Variants in SLC6A5 observed in about 807,000 individuals in gnomAD.
SLC6A5 encodes the protein solute carrier family 6 member 5.
Under a neutral mutation model 90.5 loss-of-function variants are expected in SLC6A5, and 58 were observed. That is an observed-to-expected ratio of 0.64 (90% CI 0.52 to 0.80). SLC6A5 has a LOEUF of 0.80. Among genes scored for constraint, SLC6A5 ranks in the 30% least tolerant of loss-of-function variants. The probability of loss-of-function intolerance (pLI) is 0.00; values close to 1 mark genes in which losing one functional copy is unlikely to be tolerated. For synonymous variants in SLC6A5, 427 were observed against 401.4 expected, an observed-to-expected ratio of 1.06 and a Z score of -0.76; for missense variants, 1,015 against 1,017.6, an observed-to-expected ratio of 1.00 and a Z score of 0.03.
chr11:20,644,907 G>T (rs1165007696), intron 13 of SLC6A5, among the ~76,000 whole-genome samples: 1 of 151,922 alleles, frequency 6.6e-6, no homozygotes, highest in Non-Finnish European at 1.5e-5. Flanking sequence ...TGCCTCCCGG[G>T]TTCAAATGAT....
intron 5 of SLC6A5, among the ~76,000 whole-genome samples, chr11:20,612,213 C>T (rs1307115882): frequency 6.6e-6 from 1 of 152,170 alleles, no homozygotes; most frequent in East Asian, 1.9e-4. Flanking sequence ...GGAGATGATG[C>T]TGAAGACTAG....
At chr11:20,604,607 C>T (rs1394160169) in intron 3 of SLC6A5, among the ~76,000 whole-genome samples, 183 bp downstream of exon 3, 2 of 152,164 alleles carry the variant, frequency 1.3e-5, no homozygotes, top group Admixed American at 1.3e-4. Flanking sequence ...CATAATCGAT[C>T]GGCATTAGAT....
intron 12 of SLC6A5, 37 bp from the exon 13 acceptor site, chr11:20,638,422 G>T (rs1853250608): frequency 2.3e-6 from 3 of 1,276,686 alleles, no homozygotes; most frequent in Non-Finnish European, 3.4e-6. Context: ...CTGGCTTCAG[G>T]ACGCATTTGA....
intron 12 of SLC6A5, 43 bp from the exon 13 acceptor site, chr11:20,638,416 C>G: frequency 8.1e-7 from 1 of 1,230,336 alleles, no homozygotes; most frequent in Non-Finnish European, 1.2e-6. Flanking sequence ...GACAGCCTGG[C>G]TTCAGGACGC....
chr11:20,617,613 T>C, intron 6 of SLC6A5, 139 bp from the exon 7 acceptor site: 2 of 750,954 alleles, frequency 2.7e-6, no homozygotes, highest in Non-Finnish European at 4.7e-6. Flanking sequence ...GTGATTAGGT[T>C]CCTGATGGTG....
chr11:20,607,668 C>G lies in SLC6A5; in HGVS notation c.985+16C>G, dbSNP rs141671283. Reference sequence around the variant, plus strand: ...CTTTTATTAGGTAAGTTTGGAAATACCTGCTTTAGGTGTGTGTATTCTAAA... The same window carrying G: ...CTTTTATTAGGTAAGTTTGGAAATAGCTGCTTTAGGTGTGTGTATTCTAAA... On this transcript the variant is annotated intron_variant, in intron 5 of 15. Transcript: ENST00000525748. The G allele has an allele frequency of 1.2e-5, 20 of 1,601,974 alleles. 2 individuals carry two copies. The African/African-American group carries it at 2.7e-4, about 21-fold the overall frequency.
At chr11:20,647,434 A>ATTATATATATATCAGTTCCTATATATAT (rs1199542716) in intron 14 of SLC6A5, among the ~76,000 whole-genome samples, 9 of 125,230 alleles carry the variant, frequency 7.2e-5, no homozygotes, top group African/African-American at 2.9e-4. Flanking sequence ...TATAGTTCCT[A>ATTATATATATATCAGTTCCTATATATAT]TTATATATAT....
Position 20,652,388 on chromosome 11 carries a change from T to A in SLC6A5, c.2170T>A (p.Cys724Ser), listed in dbSNP as rs2133825147. The A allele has an allele frequency of 6.2e-7, 1 of 1,614,180 alleles. No individual in the cohort carries two copies. The highest frequency in any genetic ancestry group is 8.5e-7 in the Non-Finnish European group (1 of 1,180,010). ...GGTGCTCGGATGGCTAATGCTCGCCTGTTCCGTCATCTGGATCCCAATTAT... is the reference window on the plus strand; with the variant it reads ...GGTGCTCGGATGGCTAATGCTCGCCAGTTCCGTCATCTGGATCCCAATTAT... ...SMVLGWLMLA[C>S]SVIWIPIMFV... The change falls in exon 15 of 16, where the codon TGT becomes AGT. Residue 724 changes from cysteine to serine, a missense_variant. This residue lies in a region of SLC6A5 where 442 missense variants were observed against 494.3 expected (regional missense o/e 0.89). Transcript: ENST00000525748.
Position 20,617,857 on chromosome 11 carries a change from G to C in SLC6A5, c.1233G>C (p.Leu411Phe). 6.2e-7 allele frequency: 1 copy of C among 1,613,960 alleles called. No homozygotes were observed. The highest frequency in any genetic ancestry group is 8.5e-7 in the Non-Finnish European group (1 of 1,179,900). The change falls in exon 7 of 16, where the codon TTG (leucine) becomes TTC (phenylalanine). Residue 411 changes from leucine to phenylalanine, a missense_variant. Coordinates refer to ENST00000525748, the MANE Select transcript of SLC6A5 (RefSeq NM_004211.5). Reference sequence around the variant, plus strand: ...CTTGGGTCATTGTGTATGCATCATTGGCTAAAGGAATCAAGACTTCAGGAA... The same window carrying C: ...CTTGGGTCATTGTGTATGCATCATTCGCTAAAGGAATCAAGACTTCAGGAA... Reference protein sequence around the residue: ...FLAWVIVYASLAKGIKTSGKV... With the variant: ...FLAWVIVYASFAKGIKTSGKV...
chr11:20,630,944 C>T, intron 10 of SLC6A5, 129 bp downstream of exon 10: 1 of 1,043,708 alleles, frequency 9.6e-7, no homozygotes, highest in Non-Finnish European at 1.4e-6. Context: ...CCAGGTCCTT[C>T]TTTACAGAGG....
chr11:20,607,782 C>T (rs1852613759), intron 5 of SLC6A5, 130 bp downstream of exon 5: 1 of 714,184 alleles, frequency 1.4e-6, no homozygotes, highest in Non-Finnish European at 2.4e-6. Flanking sequence ...TTACATCAAA[C>T]TATCAAATAT....
At chr11:20,649,224 G>A (rs182484576) in intron 14 of SLC6A5, among the ~76,000 whole-genome samples, 173 of 152,296 alleles carry the variant, frequency 1.1e-3, no homozygotes, top group African/African-American at 4.0e-3. Context: ...ATGCCAGAAA[G>A]TTGTGGAGAG....
chr11:20,605,402 C>T (rs78723253), intron 3 of SLC6A5, among the ~76,000 whole-genome samples: 5,688 of 152,288 alleles, frequency 0.037, 402 homozygotes, highest in African/African-American at 0.13. Flanking sequence ...AAAACATAGG[C>T]CACTACTCCC....
At position 20,607,580 on chromosome 11, in the gene SLC6A5, G is replaced by C. The variant is rs1289909337; in HGVS notation, c.913G>C (p.Val305Leu). ...CTACCTGTTTGCCTCCTTTGTGTCT[G>C]TACTACCCTGGGGCTCCTGCAACAA... is the stretch of plus-strand genomic sequence containing the variant. ...LFYLFASFVS[V>L]LPWGSCNNPW... The change falls in exon 5 of 16, where the codon GTA (valine) becomes CTA (leucine). Residue 305 changes from valine (V) to leucine (L), a missense_variant. Physicochemically the swap from Val to Leu is conservative, Grantham distance 32 (BLOSUM62 1). Coordinates refer to ENST00000525748, the MANE Select transcript of SLC6A5 (RefSeq NM_004211.5). 6.2e-7 allele frequency: 1 copy of C among 1,614,068 alleles called. No individual in the cohort carries two copies. The highest frequency in any genetic ancestry group is 8.5e-7 in the Non-Finnish European group (1 of 1,179,946).
At chr11:20,608,948 CTCTCTCTCTCTGTGTGTGTGTGTGTG>C (rs1413234100) in intron 5 of SLC6A5, among the ~76,000 whole-genome samples, 72 of 74,412 alleles carry the variant, frequency 9.7e-4, no homozygotes, top group Middle Eastern at 6.7e-3. Context: ...CTCTCTCTCT[CTCTCTCTCTCTGTGTGTGTGTGTGTG>C]TGTGTGTGTG....
intron 9 of SLC6A5, among the ~76,000 whole-genome samples, chr11:20,628,424 G>C (rs978888838): frequency 3.9e-5 from 6 of 152,184 alleles, no homozygotes; most frequent in African/African-American, 1.4e-4. Flanking sequence ...GCCTTCAGAT[G>C]GTCTTCCCTC....
rs1555042481 is a variant in SLC6A5, at chr11:20,626,854, A to G, written c.1395+12A>G. ...TCACGGATGCCACGGTGGGCTTCTA[A>G]TTTTATCTATAACCAGCCCTGGGGG... On this transcript the variant is annotated intron_variant, in intron 8 of 15. Transcript: ENST00000525748. The G allele has an allele frequency of 9.9e-6, 16 of 1,613,146 alleles. No homozygotes were observed. The highest frequency in any genetic ancestry group is 1.1e-5 in the Non-Finnish European group (13 of 1,179,186).
chr11:20,629,561 G>A (rs914933558), intron 9 of SLC6A5, among the ~76,000 whole-genome samples: 3 of 151,804 alleles, frequency 2.0e-5, no homozygotes, highest in Admixed American at 6.6e-5. Context: ...ATGATATTTC[G>A]GTACATGTAT....
intron 10 of SLC6A5, among the ~76,000 whole-genome samples, chr11:20,633,869 G>T (rs1160877928): frequency 6.6e-6 from 1 of 152,106 alleles, no homozygotes; most frequent in African/African-American, 2.4e-5. Context: ...GGTACAGCCA[G>T]TTTGTTTTTT....
Sources: gnomAD v4.1 joint callset for allele counts (sites outside exome capture counted in the v4.1 genomes callset) on GRCh38, gnomAD v4.1.1 for gene constraint, gnomAD v4.1.1 regional missense constraint, MANE v1.5 for transcripts, NCBI Gene and HGNC (gene_info 2026-07-23, HGNC 2026-07-21) for gene names.